The following SH3PXD2B variants were observed in gnomAD, a reference collection of about 807,000 sequenced individuals.
The protein encoded by SH3PXD2B is SH3 and PX domains 2B.
SH3PXD2B carries 37 observed loss-of-function variants against 73.1 expected under a neutral mutation model. The observed-to-expected ratio is 0.51, with a 90% CI of 0.39 to 0.67. The LOEUF is 0.67. SH3PXD2B is among the 30% of genes least tolerant of loss of function. The probability of loss-of-function intolerance (pLI) is 0.00; values close to 1 mark genes in which losing one functional copy is unlikely to be tolerated. For missense variants in SH3PXD2B, 1,053 were observed against 1,197.8 expected (o/e 0.88, Z 1.78); for synonymous variants, 457 against 480.5 (o/e 0.95, Z 0.64).
At chr5:172,430,617 T>C (rs1057413096) in intron 1 of SH3PXD2B, among the ~76,000 whole-genome samples, 4 of 152,220 alleles carry the variant, frequency 2.6e-5, no homozygotes, top group Admixed American at 2.6e-4. Context: ...CCTCCACTTA[T>C]GGTTGAGAAC....
intron 12 of SH3PXD2B, among the ~76,000 whole-genome samples, chr5:172,328,138 A>G (rs1464404753): frequency 1.1e-4 from 13 of 120,972 alleles, no homozygotes; most frequent in Admixed American, 4.5e-4. Context: ...TTTTTTTTTG[A>G]GATGGAGTCT....
chr5:172,418,515 T>A (rs867699), intron 2 of SH3PXD2B, among the ~76,000 whole-genome samples: 78,584 of 152,058 alleles, frequency 0.52, 22,296 homozygotes, highest in African/African-American at 0.74. Flanking sequence ...CTTCTGAAAA[T>A]ACCAGGGCTG....
At chr5:172,365,337 C>T (rs1306055575) in intron 6 of SH3PXD2B, among the ~76,000 whole-genome samples, 3 of 152,196 alleles carry the variant, frequency 2.0e-5, no homozygotes, top group African/African-American at 7.2e-5. Context: ...CACAGAGGCT[C>T]AGAGATGTTA....
Position 172,338,968 on chromosome 5 carries a change from T to TCCTGTCCTGGGCGCGGCCAGGCC in SH3PXD2B, c.2114_2136dup (p.Thr713GlyfsTer146), listed in dbSNP as rs1194374056. 1 of 1,614,068 alleles carries TCCTGTCCTGGGCGCGGCCAGGCC rather than the reference T, an allele frequency of 6.2e-7. No individual in the cohort carries two copies. Among genetic ancestry groups the TCCTGTCCTGGGCGCGGCCAGGCC allele is most frequent in the Non-Finnish European group, 8.5e-7 (1 of 1,180,012 alleles). ...GGGCTGAGACCATCCTGTTTGCCCG[T>TCCTGTCCTGGGCGCGGCCAGGCC]CCTGTCCTGGGCGCGGCCAGGCCCC... is the stretch of plus-strand genomic sequence containing the variant. On this transcript the variant is annotated frameshift_variant, in exon 13 of 13. Transcript: ENST00000311601. LOFTEE classifies it low-confidence loss of function (END_TRUNC). The surrounding 1 kb of genome is among the most constrained non-coding windows in gnomAD (Gnocchi z 5.1).
chr5:172,410,807 T>C (rs1417024291), intron 2 of SH3PXD2B, among the ~76,000 whole-genome samples: 2 of 152,230 alleles, frequency 1.3e-5, no homozygotes, highest in Admixed American at 1.3e-4. Flanking sequence ...TACGATTTCA[T>C]GTGACCTTGA....
intron 7 of SH3PXD2B, among the ~76,000 whole-genome samples, chr5:172,359,604 T>A (rs1173225452): frequency 6.6e-6 from 1 of 152,118 alleles, no homozygotes; most frequent in East Asian, 1.9e-4. Flanking sequence ...TGTAAAGGCC[T>A]AGATGCAGAT....
At chr5:172,435,715 C>T (rs564993429) in intron 1 of SH3PXD2B, among the ~76,000 whole-genome samples, 118 of 152,298 alleles carry the variant, frequency 7.7e-4, no homozygotes, top group Non-Finnish European at 1.5e-3. Flanking sequence ...CGAGCCATCA[C>T]GCACAGCCAA....
chr5:172,372,156 C>T (rs1158494574), intron 6 of SH3PXD2B, among the ~76,000 whole-genome samples: 2 of 152,166 alleles, frequency 1.3e-5, no homozygotes, highest in South Asian at 2.1e-4. Flanking sequence ...TTTGGATCTG[C>T]GTCCCCACCC....
intron 6 of SH3PXD2B, among the ~76,000 whole-genome samples, chr5:172,373,177 G>A (rs1310007421): frequency 6.6e-6 from 1 of 152,222 alleles, no homozygotes; most frequent in Non-Finnish European, 1.5e-5. Flanking sequence ...AAAAAGGGCT[G>A]GGGTCTGGCG....
chr5:172,397,660 T>C (rs545618158), intron 3 of SH3PXD2B, among the ~76,000 whole-genome samples: 4 of 152,352 alleles, frequency 2.6e-5, no homozygotes, highest in South Asian at 2.1e-4. Flanking sequence ...CATTGAATTA[T>C]TGGGGGCGGG....
intron 7 of SH3PXD2B, among the ~76,000 whole-genome samples, chr5:172,360,214 A>G (rs545996182): frequency 6.6e-6 from 1 of 152,242 alleles, no homozygotes; most frequent in Non-Finnish European, 1.5e-5. Flanking sequence ...GGAAACTGTC[A>G]TAACACAATG....
rs1277946377 is a variant in SH3PXD2B at position 172,339,005 on chromosome 5, G to GA, written c.2099dup (p.Leu701ProfsTer41). On this transcript the variant is annotated frameshift_variant, in exon 13 of 13. Coordinates refer to ENST00000311601, the MANE Select transcript of SH3PXD2B (RefSeq NM_001017995.3). LOFTEE classifies it low-confidence loss of function (END_TRUNC). The surrounding 1 kb of genome is among the most constrained non-coding windows in gnomAD (Gnocchi z 6.1). ...CGCGGCCAGGCCCCTCTCCTGGGAGGAAGCTTCGGCTGAAGGCCACGTCTT... is the reference window on the plus strand; with the variant it reads ...CGCGGCCAGGCCCCTCTCCTGGGAGGAAAGCTTCGGCTGAAGGCCACGTCTT... 8.7e-6 allele frequency: 14 copies of GA among 1,614,102 alleles called. No individual in the cohort carries two copies. Among genetic ancestry groups the GA allele is most frequent in the Non-Finnish European group, 1.2e-5 (14 of 1,179,920 alleles).
intron 1 of SH3PXD2B, among the ~76,000 whole-genome samples, chr5:172,448,050 A>C (rs1016972285): frequency 1.1e-4 from 16 of 152,222 alleles, no homozygotes; most frequent in Non-Finnish European, 2.1e-4. Flanking sequence ...ATAGTCGTTA[A>C]AGAAAAACCT....
chr5:172,394,227 G>A (rs1430254823), intron 4 of SH3PXD2B, among the ~76,000 whole-genome samples: 1 of 152,206 alleles, frequency 6.6e-6, no homozygotes, highest in Non-Finnish European at 1.5e-5. Flanking sequence ...TTATAGGCGT[G>A]AGCCACTGTA....
intron 1 of SH3PXD2B, among the ~76,000 whole-genome samples, chr5:172,436,778 G>C (rs1255485640): frequency 6.6e-6 from 1 of 152,260 alleles, no homozygotes; most frequent in Non-Finnish European, 1.5e-5. Flanking sequence ...GGCTGTGATT[G>C]CTAAAGCCGT....
At chr5:172,376,174 C>T (rs558935933) in intron 5 of SH3PXD2B, among the ~76,000 whole-genome samples, 11 of 151,922 alleles carry the variant, frequency 7.2e-5, no homozygotes, top group Admixed American at 2.0e-4. Context: ...GGATTATAGA[C>T]GCCCACCACC....
intron 1 of SH3PXD2B, among the ~76,000 whole-genome samples, chr5:172,432,751 A>G (rs1759278110): frequency 6.6e-6 from 1 of 152,082 alleles, no homozygotes; most frequent in South Asian, 2.1e-4. Context: ...GTTTCTACTA[A>G]TAATACAAAA....
chr5:172,339,143 T>G lies in SH3PXD2B; in HGVS notation c.1962A>C (p.Pro654=). Residue 654 remains proline, a synonymous_variant, in exon 13 of 13, where the codon CCA becomes CCC. Transcript: ENST00000311601. The surrounding 1 kb of genome is among the most constrained non-coding windows in gnomAD (Gnocchi z 6.1). ...PKPAPSPKTE[P]PQGEDQVDIC... ...TGTCGACTTGGTCTTCGCCCTGAGG[T>G]GGCTCCGTTTTGGGGGAAGGAGCTG... 6.2e-7 allele frequency: 1 copy of G among 1,614,180 alleles called. No individual in the cohort carries two copies. Among genetic ancestry groups the G allele is most frequent in the Non-Finnish European group, 8.5e-7 (1 of 1,180,032 alleles).
rs761047260 is a variant in SH3PXD2B at position 172,339,431 on chromosome 5, G to A, written c.1674C>T (p.Gly558=). 1.5e-5 allele frequency: 24 copies of A among 1,614,024 alleles called. No homozygotes were observed. Among genetic ancestry groups the A allele is most frequent in the South Asian group, 1.1e-4 (10 of 91,090 alleles). ...QLRGPTPKPP[G]VILPMMPAKH... is the part of the protein sequence containing the mutation. ...TGGCTGGCATCATCGGCAAAATCAC[G>A]CCCGGAGGCTTGGGAGTGGGGCCCC... The change falls in exon 13 of 13, where the codon GGC becomes GGT. Residue 558 remains glycine, a synonymous_variant. Coordinates refer to ENST00000311601, the MANE Select transcript of SH3PXD2B (RefSeq NM_001017995.3). The surrounding 1 kb of genome is among the most constrained non-coding windows in gnomAD (Gnocchi z 6.1).
Sources: allele counts gnomAD v4.1 joint callset (sites outside exome capture counted in the v4.1 genomes callset), GRCh38; gene constraint gnomAD v4.1.1; non-coding constraint Gnocchi (gnomAD v3.1); transcripts MANE v1.5; gene names NCBI Gene and HGNC (gene_info 2026-07-23, HGNC 2026-07-21).